COL1A2: variants seen among roughly 807,000 people sequenced by gnomAD.
The protein encoded by COL1A2 is collagen type I alpha 2 chain.
A neutral mutation model predicts 174.3 loss-of-function variants in COL1A2; 49 were observed. The observed-to-expected ratio is 0.28, with a 90% CI of 0.22 to 0.36. The LOEUF is 0.36. Ranked by LOEUF, COL1A2 falls within the 10% of genes least tolerant of loss-of-function variation. The pLI, the probability that COL1A2 is intolerant of heterozygous loss-of-function variation, is 1.00. For missense variants in COL1A2, 1,438 were observed against 1,822.7 expected, an observed-to-expected ratio of 0.79 and a Z score of 3.84; for synonymous variants, 655 against 606.6, an observed-to-expected ratio of 1.08 and a Z score of -1.17.
chr7:94,430,500 C>G lies in COL1A2; in HGVS notation c.*107C>G. 3.4e-6 allele frequency: 4 copies of G among 1,166,930 alleles called. No homozygotes were observed. The highest frequency in any genetic ancestry group is 3.8e-6 in the Non-Finnish European group (3 of 799,442). 72.3% of individuals were successfully genotyped at this position (1,166,930 alleles called of 1,614,324 possible). On this transcript the variant is annotated 3_prime_UTR_variant, in exon 52 of 52. Transcript: ENST00000297268. ...AAGCTGAATCCTTCCATTTCTTCTGCACATCTACTTGCTTAAATTGTGGGC... is the reference window on the plus strand; with the variant it reads ...AAGCTGAATCCTTCCATTTCTTCTGGACATCTACTTGCTTAAATTGTGGGC...
chr7:94,425,867 T>C lies in COL1A2; in HGVS notation c.2943+10T>C, dbSNP rs1471935944. On this transcript the variant is annotated intron_variant, in intron 44 of 51. Transcript: ENST00000297268. Reference sequence around the variant, plus strand: ...AAACCGTGGTGAAACTGTAAGTTTGTGAATACCAGTCCCTCAGTGCAGCAT... The same window carrying C: ...AAACCGTGGTGAAACTGTAAGTTTGCGAATACCAGTCCCTCAGTGCAGCAT... 3.1e-6 allele frequency: 5 copies of C among 1,607,752 alleles called. No homozygotes were observed. The highest frequency in any genetic ancestry group is 4.2e-6 in the Non-Finnish European group (5 of 1,176,676).
At chr7:94,428,032 C>T in intron 49 of COL1A2, 147 bp downstream of exon 49, 1 of 981,206 alleles carries the variant, frequency 1.0e-6, no homozygotes, top group East Asian at 2.6e-5. Context: ...GTCATCTTCT[C>T]CCAACCAGCA....
In COL1A2 at chr7:94,405,659, T is replaced by C. The variant is rs1371571191; in HGVS notation, c.487-14T>C. 1.2e-6 allele frequency: 2 copies of C among 1,604,882 alleles called. No individual in the cohort carries two copies. The highest frequency in any genetic ancestry group is 8.5e-7 in the Non-Finnish European group (1 of 1,171,560). On this transcript the variant is annotated splice_polypyrimidine_tract_variant and intron_variant, in intron 10 of 51. Coordinates refer to ENST00000297268, the MANE Select transcript of COL1A2 (RefSeq NM_000089.4). ...GTAAAACATTATTCACCATCTTCTGTATTTCTTTCTAAGGGTGCTCGTGGT... is the reference window on the plus strand; with the variant it reads ...GTAAAACATTATTCACCATCTTCTGCATTTCTTTCTAAGGGTGCTCGTGGT...
intron 29 of COL1A2, 115 bp from the exon 30 acceptor site, chr7:94,415,111 C>A: frequency 1.1e-6 from 1 of 879,310 alleles, no homozygotes; most frequent in South Asian, 1.3e-5. Flanking sequence ...CTTATGCACT[C>A]ATGTAGATAC....
At chr7:94,420,511 A>G in intron 36 of COL1A2, 30 bp from the exon 37 acceptor site, 2 of 1,614,036 alleles carry the variant, frequency 1.2e-6, no homozygotes, top group African/African-American at 2.7e-5. Context: ...GGGTCGGAAT[A>G]CCAGAGCTGT....
intron 19 of COL1A2, 128 bp downstream of exon 19, chr7:94,409,949 T>C (rs1584319527): frequency 4.3e-6 from 4 of 927,118 alleles, no homozygotes; most frequent in Non-Finnish European, 5.1e-6. Flanking sequence ...TTTTAGTTTA[T>C]ATTTCTTATA....
chr7:94,410,944 T>G lies in COL1A2; in HGVS notation c.1251+2T>G. The G allele has an allele frequency of 2.5e-6, 4 of 1,614,074 alleles. No homozygotes were observed. The highest frequency in any genetic ancestry group is 3.4e-6 in the Non-Finnish European group (4 of 1,179,990). On this transcript the variant is annotated splice_donor_variant, in intron 22 of 51. Coordinates refer to ENST00000297268, the MANE Select transcript of COL1A2 (RefSeq NM_000089.4). LOFTEE classifies it high-confidence loss of function. ...GCTGATGGCAGAGCTGGCGTCATGGTAAGCTGTCTATCACTTACTTCCTAG... is the reference window on the plus strand; with the variant it reads ...GCTGATGGCAGAGCTGGCGTCATGGGAAGCTGTCTATCACTTACTTCCTAG...
intron 51 of COL1A2, 195 bp from the exon 52 acceptor site, chr7:94,430,052 G>T: frequency 1.6e-6 from 1 of 607,026 alleles, no homozygotes; most frequent in Admixed American, 2.9e-5. Context: ...TTTGTTTTTT[G>T]TTAGACTGAT....
intron 16 of COL1A2, 24 bp downstream of exon 16, chr7:94,408,847 C>T: frequency 6.2e-7 from 1 of 1,608,844 alleles, no homozygotes; most frequent in Non-Finnish European, 8.5e-7. Flanking sequence ...TGACCATTGT[C>T]ACTACTTTGA....
chr7:94,407,265 T>C (rs1791822465), intron 12 of COL1A2, among the ~76,000 whole-genome samples: 1 of 152,178 alleles, frequency 6.6e-6, no homozygotes, highest in African/African-American at 2.4e-5. Flanking sequence ...ATGAGGTCTC[T>C]TAAACCATAT....
chr7:94,429,394 C>T lies in COL1A2; in HGVS notation c.3918C>T (p.Ser1306=), dbSNP rs1056749011. 1 of 1,613,832 alleles carries T rather than the reference C, an allele frequency of 6.2e-7. No individual in the cohort carries two copies. The highest frequency in any genetic ancestry group is 8.5e-7 in the Non-Finnish European group (1 of 1,179,810). ...NDVELVAEGN[S]RFTYTVLVDG... ...TTGAACTTGTTGCTGAGGGCAACAG[C>T]AGGTTCACTTACACTGTTCTTGTAG... Residue 1306 remains serine (S), a synonymous_variant, in exon 51 of 52, where the codon AGC becomes AGT. Transcript: ENST00000297268.
At chr7:94,414,415 T>C (rs1336109344) in intron 29 of COL1A2, 140 bp downstream of exon 29, 3 of 801,674 alleles carry the variant, frequency 3.7e-6, no homozygotes, top group Non-Finnish European at 6.3e-6. Context: ...TTACATACTT[T>C]GGTGCTGATG....
intron 6 of COL1A2, among the ~76,000 whole-genome samples, chr7:94,402,089 T>A (rs1791700464): frequency 6.6e-6 from 1 of 152,076 alleles, no homozygotes; most frequent in Admixed American, 6.6e-5. Context: ...GCTAACTCAT[T>A]TTAAAATGGG....
At chr7:94,418,976 G>C (rs1792097959) in intron 33 of COL1A2, among the ~76,000 whole-genome samples, 2 of 150,374 alleles carry the variant, frequency 1.3e-5, no homozygotes, top group African/African-American at 4.9e-5. Context: ...ATCACCCAAA[G>C]AGCAGCCCCA....
At position 94,425,847 on chromosome 7, in the gene COL1A2, G is replaced by A. The variant is rs559605075; in HGVS notation, c.2933G>A (p.Arg978His). The A allele has an allele frequency of 2.4e-5, 39 of 1,610,528 alleles. No individual in the cohort carries two copies. The highest frequency in any genetic ancestry group is 6.6e-5 in the South Asian group (6 of 90,420). ...GGTCCTGCTGGCAAACATGGAAACC[G>A]TGGTGAAACTGTAAGTTTGTGAATA... ...PVGPAGKHGNRGETGPSGPVG... is the reference protein window; with the variant it reads ...PVGPAGKHGNHGETGPSGPVG... Residue 978 changes from arginine (R) to histidine (H), a missense_variant, in exon 44 of 52, where the codon CGT (arginine) becomes CAT (histidine). Physicochemically the swap from Arg to His is conservative, Grantham distance 29. Around this residue, in one of 3 missense-constraint regions of COL1A2, gnomAD observed 867 missense variants for 1,213.7 expected, o/e 0.71. Transcript: ENST00000297268.
Position 94,409,828 on chromosome 7 carries a change from G to C in COL1A2, c.1035+7G>C. On this transcript the variant is annotated splice_region_variant and intron_variant, in intron 19 of 51. Coordinates refer to ENST00000297268, the MANE Select transcript of COL1A2 (RefSeq NM_000089.4). ...TGGTGCCAGAGGACTTGTTGTAAGTGGTCATGACTGTGGTTCTCATCATCC... is the reference window on the plus strand; with the variant it reads ...TGGTGCCAGAGGACTTGTTGTAAGTCGTCATGACTGTGGTTCTCATCATCC... 6.2e-7 allele frequency: 1 copy of C among 1,613,598 alleles called. No homozygotes were observed. The highest frequency in any genetic ancestry group is 8.5e-7 in the Non-Finnish European group (1 of 1,179,638).
In COL1A2 at chr7:94,430,375, C is replaced by A; in HGVS notation, c.4083C>A (p.Gly1361=). The A allele has an allele frequency of 6.2e-7, 1 of 1,613,916 alleles. No homozygotes were observed. The highest frequency in any genetic ancestry group is 8.5e-7 in the Non-Finnish European group (1 of 1,179,924). Reference sequence around the variant, plus strand: ...ACCAGGAATTCTTTGTGGACATTGGCCCAGTCTGTTTCAAATAAATGAACT... The same window carrying A: ...ACCAGGAATTCTTTGTGGACATTGGACCAGTCTGTTTCAAATAAATGAACT... ...GADQEFFVDI[G]PVCFK is the part of the protein sequence containing the mutation. The change falls in exon 52 of 52, where the codon GGC becomes GGA. Residue 1361 remains glycine, a synonymous_variant. Coordinates refer to ENST00000297268, the MANE Select transcript of COL1A2 (RefSeq NM_000089.4).
At chr7:94,414,821 A>G (rs1158419776) in intron 29 of COL1A2, among the ~76,000 whole-genome samples, 1 of 152,198 alleles carries the variant, frequency 6.6e-6, no homozygotes, top group Non-Finnish European at 1.5e-5. Flanking sequence ...TAAAAGAGAT[A>G]CACTTGGGTA....
rs1179058302 is a variant in COL1A2 at position 94,417,774 on chromosome 7, T to C, written c.1914T>C (p.Pro638=). The C allele has an allele frequency of 1.2e-6, 2 of 1,604,990 alleles. No homozygotes were observed. Among genetic ancestry groups the C allele is most frequent in the South Asian group, 1.1e-5 (1 of 88,604 alleles). The change falls in exon 32 of 52, where the codon CCT becomes CCC. Residue 638 remains proline (P), a synonymous_variant. Coordinates refer to ENST00000297268, the MANE Select transcript of COL1A2 (RefSeq NM_000089.4). The part of the protein sequence containing the change: ...GAVGTAGPSG[P]SGLPGERGAA... ...TGGGCACTGCTGGTCCATCTGGTCCTAGTGGACTCCCAGGAGAGAGGGGTG... is the reference window on the plus strand; with the variant it reads ...TGGGCACTGCTGGTCCATCTGGTCCCAGTGGACTCCCAGGAGAGAGGGGTG...
Sources: allele counts gnomAD v4.1 joint callset (sites outside exome capture counted in the v4.1 genomes callset), GRCh38; gene constraint gnomAD v4.1.1; regional missense constraint gnomAD v4.1.1; transcripts MANE v1.5; gene names NCBI Gene and HGNC (gene_info 2026-07-23, HGNC 2026-07-21).